PKHD1L1: variants seen among roughly 807,000 people sequenced by gnomAD.
PKHD1L1 encodes the protein PKHD1 like 1.
A neutral mutation model predicts 462.9 loss-of-function variants in PKHD1L1; 434 were observed. The ratio of observed to expected loss-of-function variants is 0.94; its 90% CI spans 0.87 to 1.02. The LOEUF (loss-of-function observed/expected upper bound fraction) is 1.02. PKHD1L1 is among the 50% of genes least tolerant of loss of function. PKHD1L1 has a pLI of 0.00. For synonymous variants in PKHD1L1, 1,781 were observed against 1,750.0 expected (o/e 1.02, Z -0.44); for missense variants, 5,202 against 5,096.1 (o/e 1.02, Z -0.63).
Position 109,444,720 on chromosome 8 carries a change from T to C in PKHD1L1, c.4851T>C (p.Cys1617=). 1.9e-6 allele frequency: 3 copies of C among 1,613,846 alleles called. No homozygotes were observed. Among genetic ancestry groups the C allele is most frequent in the South Asian group, 1.1e-5 (1 of 91,082 alleles). Residue 1617 remains cysteine, a synonymous_variant, in exon 38 of 78, where the codon TGT becomes TGC. Transcript: ENST00000378402. ...AAAGTAGTGAGGATTCAATTACATG[T>C]CATATTGACCCTCAAAACTCAATGG... ...VEESSEDSIT[C]HIDPQNSMDV...
chr8:109,507,525 A>T, intron 68 of PKHD1L1, 138 bp from the exon 69 acceptor site: 1 of 683,196 alleles, frequency 1.5e-6, no homozygotes. Flanking sequence ...TACATAGGCT[A>T]CTTGGTCCCA....
At chr8:109,394,355 A>G (rs1812861069) in intron 9 of PKHD1L1, 60 bp from the exon 10 acceptor site, 1 of 1,116,754 alleles carries the variant, frequency 9.0e-7, no homozygotes, top group Admixed American at 2.7e-5. Flanking sequence ...CACTGAAGTT[A>G]AAAAAATGTT....
chr8:109,383,971 G>T, intron 4 of PKHD1L1, 99 bp from the exon 5 acceptor site: 1 of 813,486 alleles, frequency 1.2e-6, no homozygotes. Flanking sequence ...GTTACATTAT[G>T]AATATTGTTG....
intron 58 of PKHD1L1, 64 bp from the exon 59 acceptor site, chr8:109,486,584 A>G: frequency 1.4e-6 from 2 of 1,475,686 alleles, no homozygotes; most frequent in Non-Finnish European, 1.8e-6. Context: ...ATAAACTGCA[A>G]AGGAACTAGT....
chr8:109,521,591 A>G (rs565471466), intron 73 of PKHD1L1, among the ~76,000 whole-genome samples: 4 of 152,294 alleles, frequency 2.6e-5, no homozygotes, highest in Admixed American at 2.0e-4. Flanking sequence ...CCACTTTTTA[A>G]GGTAAGGAGC....
intron 55 of PKHD1L1, 138 bp from the exon 56 acceptor site, chr8:109,481,295 A>T (rs1818258789): frequency 1.4e-5 from 10 of 733,512 alleles, no homozygotes; most frequent in Non-Finnish European, 2.1e-5. Flanking sequence ...AGTCACTTCC[A>T]GTTATAATGC....
intron 72 of PKHD1L1, 82 bp downstream of exon 72, chr8:109,515,387 A>G: frequency 8.8e-7 from 1 of 1,135,524 alleles, no homozygotes; most frequent in Non-Finnish European, 1.2e-6. Context: ...TAGTATTTTT[A>G]ATTCCTTATC....
At chr8:109,526,636 A>C in intron 76 of PKHD1L1, 148 bp from the exon 77 acceptor site, 1 of 704,066 alleles carries the variant, frequency 1.4e-6, no homozygotes, top group South Asian at 1.9e-5. Context: ...ACTTGTCTGT[A>C]CTTAAACTAA....
chr8:109,524,641 C>T (rs1290056145), intron 76 of PKHD1L1, among the ~76,000 whole-genome samples: 3 of 152,202 alleles, frequency 2.0e-5, no homozygotes, highest in Non-Finnish European at 2.9e-5. Flanking sequence ...TGGCATTTTA[C>T]TGTGGCAACA....
At chr8:109,467,898 G>T (rs1817533725) in intron 50 of PKHD1L1, among the ~76,000 whole-genome samples, 1 of 151,992 alleles carries the variant, frequency 6.6e-6, no homozygotes, top group Non-Finnish European at 1.5e-5. Flanking sequence ...ACATAATAAG[G>T]AATCGTAAGT....
Position 109,532,994 on chromosome 8 carries a change from G to A in PKHD1L1, c.*2904G>A, listed in dbSNP as rs1467871682. 6.6e-6 allele frequency among the ~76,000 whole-genome samples: 1 copy of A among 152,186 alleles called. No homozygotes were observed. On this transcript the variant is annotated 3_prime_UTR_variant, in exon 78 of 78. Transcript: ENST00000378402. The stretch of plus-strand genomic sequence containing the variant: ...GATAACCTTATTCCCTTCTCCAAAT[G>A]AGGAAACTTGAAATGTTGAAGGGTT...
intron 13 of PKHD1L1, 82 bp from the exon 14 acceptor site, chr8:109,401,415 T>G (rs1275080675): frequency 1.3e-6 from 1 of 748,994 alleles, no homozygotes; most frequent in Admixed American, 3.0e-5. Context: ...AAAACTGAAA[T>G]AATAAATGAT....
intron 50 of PKHD1L1, among the ~76,000 whole-genome samples, chr8:109,469,740 A>G (rs1422608044): frequency 6.6e-6 from 1 of 152,132 alleles, no homozygotes; most frequent in East Asian, 1.9e-4. Context: ...AATAATATAA[A>G]CCCAGAAACC....
intron 39 of PKHD1L1, 23 bp downstream of exon 39, chr8:109,448,414 C>T: frequency 6.4e-7 from 1 of 1,569,110 alleles, no homozygotes; most frequent in Non-Finnish European, 8.6e-7. Flanking sequence ...ATGCAAGAAC[C>T]TGCAGATATT....
chr8:109,528,578 C>A (rs973245534), intron 77 of PKHD1L1, among the ~76,000 whole-genome samples: 1 of 152,220 alleles, frequency 6.6e-6, no homozygotes, highest in Non-Finnish European at 1.5e-5. Flanking sequence ...CCTCTCACAG[C>A]ATCCTTCTAG....
chr8:109,407,523 A>G lies in PKHD1L1; in HGVS notation c.1814-526A>G, dbSNP rs550051421. On this transcript the variant is annotated intron_variant, in intron 17 of 77. Coordinates refer to ENST00000378402, the MANE Select transcript of PKHD1L1 (RefSeq NM_177531.6). ...GAGCATCCTTTCAAAGAAGAGAGAC[A>G]TTTGAGGACAGGCCTTATTCCTCTC... Among the ~76,000 whole-genome samples the G allele has an allele frequency of 5.9e-5, 9 of 152,278 alleles. No homozygotes were observed. The South Asian group carries it at 1.5e-3, about 25-fold the overall frequency.
chr8:109,383,646 G>A (rs1453986755), intron 4 of PKHD1L1, among the ~76,000 whole-genome samples: 2 of 150,940 alleles, frequency 1.3e-5, no homozygotes, highest in South Asian at 2.1e-4. Context: ...TGCCAAATAC[G>A]ATTCCCAGAT....
chr8:109,385,797 ATTGACACAAAAGCAATGG>A (rs1341122329), intron 6 of PKHD1L1, among the ~76,000 whole-genome samples, 167 bp downstream of exon 6: 1 of 152,018 alleles, frequency 6.6e-6, no homozygotes, highest in Admixed American at 6.6e-5. Context: ...TGGAAGATTC[ATTGACACAAAAGCAATGG>A]TCGATATGTC....
rs1162068963 is a variant in PKHD1L1 at position 109,476,588 on chromosome 8, C to T, written c.8838C>T (p.Ser2946=). The change falls in exon 52 of 78, where the codon TCC becomes TCT. Residue 2946 remains serine (S), a synonymous_variant. Transcript: ENST00000378402. ...MFNIIDMRNG[S]SNPLNWNTSK... ...ATATTATTGATATGAGGAATGGTTC[C>T]TCAAATCCATTGAATTGGAATACTA... 1 of 1,583,084 alleles carries T rather than the reference C, an allele frequency of 6.3e-7. No individual in the cohort carries two copies. Among genetic ancestry groups the T allele is most frequent in the African/African-American group, 1.3e-5 (1 of 74,340 alleles).
Sources: allele counts gnomAD v4.1 joint callset (sites outside exome capture counted in the v4.1 genomes callset), GRCh38; gene constraint gnomAD v4.1.1; transcripts MANE v1.5; gene names NCBI Gene and HGNC (gene_info 2026-07-23, HGNC 2026-07-21).